The following ZNF431 variants were observed in gnomAD, a reference collection of about 807,000 sequenced individuals.
ZNF431 encodes zinc finger protein 431.
ZNF431 carries 34 observed loss-of-function variants against 57.0 expected under a neutral mutation model. The ratio of observed to expected loss-of-function variants is 0.60; its 90% CI spans 0.45 to 0.79. ZNF431 has a LOEUF of 0.79. Ranked by LOEUF, ZNF431 falls within the 30% of genes least tolerant of loss-of-function variation. The probability of loss-of-function intolerance (pLI) is 0.00; values close to 1 mark genes in which losing one functional copy is unlikely to be tolerated. For synonymous variants in ZNF431, 207 were observed against 220.3 expected, an observed-to-expected ratio of 0.94 and a Z score of 0.54; for missense variants, 607 against 667.1, an observed-to-expected ratio of 0.91 and a Z score of 0.99.
rs574427068 is a variant in ZNF431, at chr19:21,185,181, T to C, written c.*1147T>C. On this transcript the variant is annotated 3_prime_UTR_variant, in exon 5 of 5. Transcript: ENST00000311048. The stretch of plus-strand genomic sequence containing the variant: ...ATATAAGGTACTGACACTTCAGATA[T>C]ACTAAATCAGAGTGCTAAGTATAGA... 6 of 152,208 alleles carry C rather than the reference T, an allele frequency of 3.9e-5. No individual in the cohort carries two copies. The highest frequency in any genetic ancestry group is 2.0e-4 in the Admixed American group (3 of 15,270). 9.4% of individuals were successfully genotyped at this position (152,208 alleles called of 1,614,324 possible).
At chr19:21,159,481 G>T (rs576335186) in intron 2 of ZNF431, among the ~76,000 whole-genome samples, 3 of 151,956 alleles carry the variant, frequency 2.0e-5, no homozygotes, top group African/African-American at 7.3e-5. Flanking sequence ...CAAGTGATTC[G>T]CCTGCCTCAG....
At chr19:21,155,969 A>G (rs1301633245) in intron 2 of ZNF431, among the ~76,000 whole-genome samples, 1 of 152,102 alleles carries the variant, frequency 6.6e-6, no homozygotes, top group Admixed American at 6.5e-5. Flanking sequence ...ACTTCAAGGA[A>G]AGGAGCTCTG....
At chr19:21,167,691 A>G (rs996294730) in intron 4 of ZNF431, 25 bp downstream of exon 4, 1 of 1,485,076 alleles carries the variant, frequency 6.7e-7, no homozygotes, top group East Asian at 2.4e-5. Context: ...AAAAAAACAG[A>G]TGACACAGAT....
chr19:21,171,234 T>C (rs1693371873), intron 4 of ZNF431, among the ~76,000 whole-genome samples: 2 of 152,224 alleles, frequency 1.3e-5, no homozygotes, highest in Non-Finnish European at 2.9e-5. Flanking sequence ...ATACAGTGCA[T>C]GCCAATGATT....
chr19:21,182,711 A>G lies in ZNF431; in HGVS notation c.408A>G (p.Lys136=). The G allele has an allele frequency of 6.2e-7, 1 of 1,613,956 alleles. No homozygotes were observed. The highest frequency in any genetic ancestry group is 8.5e-7 in the Non-Finnish European group (1 of 1,179,880). Residue 136 remains lysine (K), a synonymous_variant, in exon 5 of 5, where the codon AAA becomes AAG. Coordinates refer to ENST00000311048, the MANE Select transcript of ZNF431 (RefSeq NM_133473.4). ...AAGTAATACTGAGAAGATATGGCAA[A>G]TGTGAACATGAGAATTTACAGTTAA... ...FQQVILRRYG[K]CEHENLQLRK...
intron 4 of ZNF431, among the ~76,000 whole-genome samples, chr19:21,180,668 G>T (rs1448282618): frequency 2.0e-5 from 3 of 148,332 alleles, no homozygotes; most frequent in Non-Finnish European, 4.5e-5. Flanking sequence ...TGAACTTCAG[G>T]CCAGGTGTCG....
At chr19:21,156,692 T>C (rs1449408000) in intron 2 of ZNF431, among the ~76,000 whole-genome samples, 1 of 62,396 alleles carries the variant, frequency 1.6e-5, no homozygotes, top group Non-Finnish European at 4.8e-5. Flanking sequence ...AATAACTTAA[T>C]CTTGTTTTTT....
rs1971595463 is a variant in ZNF431, at chr19:21,195,790, A to C, written c.*11756A>C. ...CTTGCAGATTTAAATATTTTATTGCAGTGTAAAGTTTAATATTTAGATGTG... is the reference window on the plus strand; with the variant it reads ...CTTGCAGATTTAAATATTTTATTGCCGTGTAAAGTTTAATATTTAGATGTG... On this transcript the variant is annotated 3_prime_UTR_variant, in exon 5 of 5. Coordinates refer to ENST00000311048, the MANE Select transcript of ZNF431 (RefSeq NM_133473.4). The C allele has an allele frequency of 6.6e-6, 1 of 152,180 alleles. No homozygotes were observed. Among genetic ancestry groups the C allele is most frequent in the African/African-American group, 2.4e-5 (1 of 41,446 alleles). The allele number at this position is 152,180 out of a possible 1,614,324, so 9.4% of individuals were successfully genotyped here.
At chr19:21,172,439 A>G (rs919259113) in intron 4 of ZNF431, among the ~76,000 whole-genome samples, 3 of 151,774 alleles carry the variant, frequency 2.0e-5, no homozygotes, top group African/African-American at 7.3e-5. Flanking sequence ...AAAAAAAAAA[A>G]AAAGAAAGAA....
Position 21,189,226 on chromosome 19 carries a change from T to G in ZNF431, c.*5192T>G, listed in dbSNP as rs970782365. On this transcript the variant is annotated 3_prime_UTR_variant, in exon 5 of 5. Coordinates refer to ENST00000311048, the MANE Select transcript of ZNF431 (RefSeq NM_133473.4). ...TTGGTCAGACATGATGGCTCATGCT[T>G]GTAATCCCAGCAATTTGGGAGGCCG... The G allele has an allele frequency of 6.6e-6, 1 of 152,220 alleles. No individual in the cohort carries two copies. Among genetic ancestry groups the G allele is most frequent in the African/African-American group, 2.4e-5 (1 of 41,456 alleles). The allele number at this position is 152,220 out of a possible 1,614,324, so 9.4% of individuals were successfully genotyped here. A position where few individuals can be genotyped will look rare whatever the true frequency, so the allele number is the denominator to read the frequency against.
chr19:21,147,414 T>C (rs1207308270), intron 2 of ZNF431, among the ~76,000 whole-genome samples: 1 of 151,954 alleles, frequency 6.6e-6, no homozygotes, highest in Non-Finnish European at 1.5e-5. Context: ...TACTCGAACC[T>C]GGGAGGCAGA....
Position 21,195,519 on chromosome 19 carries a change from T to G in ZNF431, c.*11485T>G, listed in dbSNP as rs1971590986. 1 of 152,260 alleles carries G rather than the reference T, an allele frequency of 6.6e-6. No homozygotes were observed. Among genetic ancestry groups the G allele is most frequent in the Admixed American group, 6.5e-5 (1 of 15,290 alleles). The allele number at this position is 152,260 out of a possible 1,614,324, so 9.4% of individuals were successfully genotyped here. A position where few individuals can be genotyped will look rare whatever the true frequency, so the allele number is the denominator to read the frequency against. On this transcript the variant is annotated 3_prime_UTR_variant, in exon 5 of 5. Transcript: ENST00000311048. ...TAATTCCTCATTAGCAATAGAATTA[T>G]GTATATTTTGCAAACTCTAATACAG...
Position 21,171,349 on chromosome 19 carries a change from A to G in ZNF431, c.319+3683A>G, listed in dbSNP as rs531020309. Reference sequence around the variant, plus strand: ...TGCATACCAGATTTTATGAGTAAACATGTCTCTTATTACGCAGTTTCTTAT... The same window carrying G: ...TGCATACCAGATTTTATGAGTAAACGTGTCTCTTATTACGCAGTTTCTTAT... On this transcript the variant is annotated intron_variant, in intron 4 of 4. Transcript: ENST00000311048. Among the ~76,000 whole-genome samples the G allele has an allele frequency of 5.6e-4, 85 of 152,188 alleles. 1 individual carries two copies. Among genetic ancestry groups the G allele is most frequent in the South Asian group, 1.5e-3 (7 of 4,826 alleles).
chr19:21,191,511 G>C lies in ZNF431; in HGVS notation c.*7477G>C, dbSNP rs560343085. 5.9e-5 allele frequency: 9 copies of C among 151,532 alleles called. No homozygotes were observed. The highest frequency in any genetic ancestry group is 1.9e-4 in the African/African-American group (8 of 41,368). 9.4% of individuals were successfully genotyped at this position (151,532 alleles called of 1,614,324 possible). A position where few individuals can be genotyped will look rare whatever the true frequency, so the allele number is the denominator to read the frequency against. ...TTATAGGGCTTTTGCTCTATATTTT[G>C]GCAGTAGTAGTTTCAGAGTGTCAGG... On this transcript the variant is annotated 3_prime_UTR_variant, in exon 5 of 5. Coordinates refer to ENST00000311048, the MANE Select transcript of ZNF431 (RefSeq NM_133473.4).
At chr19:21,180,847 T>C (rs1016552634) in intron 4 of ZNF431, among the ~76,000 whole-genome samples, 2 of 151,106 alleles carry the variant, frequency 1.3e-5, no homozygotes, top group African/African-American at 4.9e-5. Context: ...CTCGGGAGGC[T>C]GAGGCAAGAG....
At chr19:21,168,294 A>G (rs1970782806) in intron 4 of ZNF431, among the ~76,000 whole-genome samples, 1 of 152,078 alleles carries the variant, frequency 6.6e-6, no homozygotes, top group African/African-American at 2.4e-5. Context: ...TGGAATTATC[A>G]TGGGGAGTTT....
intron 1 of ZNF431, among the ~76,000 whole-genome samples, 173 bp from the exon 2 acceptor site, chr19:21,143,378 C>T (rs951203836): frequency 1.3e-5 from 2 of 152,098 alleles, no homozygotes; most frequent in Non-Finnish European, 1.5e-5. Context: ...GAATGTTTTT[C>T]GGTCAAGGTT....
rs984533955 is a variant in ZNF431, at chr19:21,185,466, T to C, written c.*1432T>C. The stretch of plus-strand genomic sequence containing the variant: ...GAGAGAGATTCTTTTGTTTGTTTGT[T>C]CGTTTGTTTTTTGAGACTGAGTTTC... On this transcript the variant is annotated 3_prime_UTR_variant, in exon 5 of 5. Transcript: ENST00000311048. 7.9e-5 allele frequency: 12 copies of C among 152,226 alleles called. No individual in the cohort carries two copies. The highest frequency in any genetic ancestry group is 4.6e-4 in the Admixed American group (7 of 15,270). 9.4% of individuals were successfully genotyped at this position (152,226 alleles called of 1,614,324 possible).
intron 2 of ZNF431, among the ~76,000 whole-genome samples, chr19:21,149,334 A>G (rs1970198605): frequency 6.6e-6 from 1 of 152,200 alleles, no homozygotes; most frequent in African/African-American, 2.4e-5. Flanking sequence ...CTTAGATCAA[A>G]TGTTTATATT....
Sources: gnomAD v4.1 joint callset for allele counts (sites outside exome capture counted in the v4.1 genomes callset) on GRCh38, gnomAD v4.1.1 for gene constraint, MANE v1.5 for transcripts, NCBI Gene and HGNC (gene_info 2026-07-23, HGNC 2026-07-21) for gene names.